OPRD1: variants seen among roughly 807,000 people sequenced by gnomAD.
OPRD1 encodes the protein opioid receptor delta 1.
Under a neutral mutation model 17.5 loss-of-function variants are expected in OPRD1, and 19 were observed. That is an observed-to-expected ratio of 1.09 (90% CI 0.76 to 1.60). The LOEUF is 1.60. OPRD1 is among the 40% of genes most tolerant of loss of function. OPRD1 has a pLI of 0.00. For synonymous variants in OPRD1, 256 were observed against 240.9 expected (o/e 1.06, Z -0.58); for missense variants, 483 against 547.2 (o/e 0.88, Z 1.17).
Position 28,863,623 on chromosome 1 carries a change from G to A in OPRD1, c.*340G>A. ...TCCTTAAACAGGGCATCTCCAGGAA[G>A]GCGGGGCTTCAACCTTGAGACAGCT... On this transcript the variant is annotated 3_prime_UTR_variant, in exon 3 of 3. Coordinates refer to ENST00000234961, the MANE Select transcript of OPRD1 (RefSeq NM_000911.4). 3.4e-6 allele frequency: 1 copy of A among 293,128 alleles called. No homozygotes were observed. Among genetic ancestry groups the A allele is most frequent in the Non-Finnish European group, 6.3e-6 (1 of 158,806 alleles). 18.2% of individuals were successfully genotyped at this position (293,128 alleles called of 1,614,324 possible).
intron 1 of OPRD1, among the ~76,000 whole-genome samples, chr1:28,851,794 C>T (rs10915205): frequency 5.6e-4 from 81 of 144,638 alleles, no homozygotes; most frequent in Middle Eastern, 3.6e-3. Context: ...TTGCTTGAAC[C>T]GGGGAGGCGG....
chr1:28,832,869 G>A (rs2088820983), intron 1 of OPRD1, among the ~76,000 whole-genome samples: 2 of 152,186 alleles, frequency 1.3e-5, no homozygotes, highest in South Asian at 4.1e-4. Flanking sequence ...TCTTCAAAGG[G>A]TATTTCTTTG....
intron 2 of OPRD1, among the ~76,000 whole-genome samples, chr1:28,861,182 C>T (rs2089113299): frequency 6.6e-6 from 1 of 152,148 alleles, no homozygotes; most frequent in African/African-American, 2.4e-5. Context: ...CTGTGGATCC[C>T]CAGCCCCTTC....
chr1:28,816,379 G>A (rs1391173238), intron 1 of OPRD1, among the ~76,000 whole-genome samples: 1 of 152,118 alleles, frequency 6.6e-6, no homozygotes, highest in African/African-American at 2.4e-5. Context: ...GACGAGGAGG[G>A]GAAACTGAGT....
At position 28,816,199 on chromosome 1, in the gene OPRD1, G is replaced by A. The variant is rs186480847; in HGVS notation, c.227+3589G>A. 2.8e-3 allele frequency among the ~76,000 whole-genome samples: 426 copies of A among 152,298 alleles called. 5 individuals are homozygous for A. The highest frequency in any genetic ancestry group is 8.6e-3 in the African/African-American group (357 of 41,570). ...CGTGCTCCAGACCTTCCGGAGCTTAGGGTCTGGTGGGAGACAGACATTCGT... is the reference window on the plus strand; with the variant it reads ...CGTGCTCCAGACCTTCCGGAGCTTAAGGTCTGGTGGGAGACAGACATTCGT... On this transcript the variant is annotated intron_variant, in intron 1 of 2. Coordinates refer to ENST00000234961, the MANE Select transcript of OPRD1 (RefSeq NM_000911.4).
At chr1:28,855,733 T>C (rs1271617136) in intron 1 of OPRD1, among the ~76,000 whole-genome samples, 1 of 152,208 alleles carries the variant, frequency 6.6e-6, no homozygotes, top group East Asian at 1.9e-4. Context: ...AAGAACAGCC[T>C]CTAATTGTTC....
At position 28,867,003 on chromosome 1, in the gene OPRD1, C is replaced by CT. The variant is rs11367439; in HGVS notation, c.*3736dup. On this transcript the variant is annotated 3_prime_UTR_variant, in exon 3 of 3. Transcript: ENST00000234961. ...TTTCAGATCTCTTCTTCTTCATCAT[C>CT]TTTTTTTTTTTTTTTTCAGCCAGTG... 0.062 allele frequency: 8,257 copies of CT among 134,196 alleles called. 409 individuals are homozygous for CT. The highest frequency in any genetic ancestry group is 0.12 in the East Asian group (552 of 4,520). The allele number at this position is 134,196 out of a possible 1,614,324, so 8.3% of individuals were successfully genotyped here.
intron 1 of OPRD1, among the ~76,000 whole-genome samples, chr1:28,852,422 T>C (rs972217977): frequency 2.6e-5 from 4 of 152,184 alleles, no homozygotes; most frequent in Non-Finnish European, 5.9e-5. Context: ...AATGTAATTA[T>C]AGTATGTTCT....
At chr1:28,831,189 C>T (rs1287054995) in intron 1 of OPRD1, among the ~76,000 whole-genome samples, 1 of 152,200 alleles carries the variant, frequency 6.6e-6, no homozygotes, top group African/African-American at 2.4e-5. Flanking sequence ...GACACTCCTT[C>T]CACCTGCCTA....
At chr1:28,843,749 G>C (rs2088916514) in intron 1 of OPRD1, among the ~76,000 whole-genome samples, 1 of 152,070 alleles carries the variant, frequency 6.6e-6, no homozygotes, top group African/African-American at 2.4e-5. Context: ...CTCCCGAGTA[G>C]CTGGGACTAC....
intron 1 of OPRD1, among the ~76,000 whole-genome samples, chr1:28,837,484 C>T (rs1312669341): frequency 6.6e-6 from 1 of 151,778 alleles, no homozygotes; most frequent in African/African-American, 2.4e-5. Flanking sequence ...CCTGTCTCTA[C>T]TAAAAATACA....
Position 28,818,392 on chromosome 1 carries a change from A to G in OPRD1, c.227+5782A>G, listed in dbSNP as rs142397192. On this transcript the variant is annotated intron_variant, in intron 1 of 2. Transcript: ENST00000234961. ...ACCCCCTGGTTAGTTGCAACTCCACAGACAAGTGCAGCTCCCTGGAACTAT... is the reference window on the plus strand; with the variant it reads ...ACCCCCTGGTTAGTTGCAACTCCACGGACAAGTGCAGCTCCCTGGAACTAT... 3.3e-5 allele frequency among the ~76,000 whole-genome samples: 5 copies of G among 152,216 alleles called. No individual in the cohort carries two copies. In the East Asian group the frequency reaches 9.7e-4, roughly 29 times the overall value.
chr1:28,861,539 G>A (rs1210146990), intron 2 of OPRD1, among the ~76,000 whole-genome samples: 1 of 152,042 alleles, frequency 6.6e-6, no homozygotes, highest in African/African-American at 2.4e-5. Flanking sequence ...CAACCTCCAG[G>A]GCTTAAGCGA....
chr1:28,827,817 T>G (rs1307735894), intron 1 of OPRD1, among the ~76,000 whole-genome samples: 1 of 152,146 alleles, frequency 6.6e-6, no homozygotes, highest in African/African-American at 2.4e-5. Flanking sequence ...CTCAAACTCC[T>G]GGGCTCAAAC....
intron 1 of OPRD1, among the ~76,000 whole-genome samples, chr1:28,840,220 G>C (rs570678668): frequency 4.6e-5 from 7 of 152,238 alleles, no homozygotes; most frequent in Admixed American, 4.6e-4. Context: ...TAGGCTCTTC[G>C]TGATAGCCAA....
intron 1 of OPRD1, among the ~76,000 whole-genome samples, chr1:28,828,444 C>T (rs932559473): frequency 5.3e-5 from 8 of 152,072 alleles, no homozygotes; most frequent in African/African-American, 1.9e-4. Flanking sequence ...GTAGATTTAG[C>T]ATAATTCTTA....
At chr1:28,857,909 C>T (rs1314018551) in intron 1 of OPRD1, among the ~76,000 whole-genome samples, 1 of 152,058 alleles carries the variant, frequency 6.6e-6, no homozygotes. Context: ...TCTCTTGCCT[C>T]AGCCTCTCGA....
intron 1 of OPRD1, among the ~76,000 whole-genome samples, chr1:28,824,181 A>C (rs28474854): frequency 7.3e-6 from 1 of 136,776 alleles, no homozygotes; most frequent in African/African-American, 2.9e-5. Flanking sequence ...CCTATCTCCA[A>C]AAAAAAAAAA....
rs2089155736 is a variant in OPRD1 at position 28,864,517 on chromosome 1, G to C, written c.*1234G>C. On this transcript the variant is annotated 3_prime_UTR_variant, in exon 3 of 3. Coordinates refer to ENST00000234961, the MANE Select transcript of OPRD1 (RefSeq NM_000911.4). ...AATGGGGGCCCAGAGGCTTGGGAAG[G>C]AGAAGGCTTCCAAAACCAGTTCGAA... is the stretch of plus-strand genomic sequence containing the variant. The C allele has an allele frequency of 6.6e-6, 1 of 152,084 alleles. No individual in the cohort carries two copies. Among genetic ancestry groups the C allele is most frequent in the Non-Finnish European group, 1.5e-5 (1 of 68,046 alleles). The allele number at this position is 152,084 out of a possible 1,614,324, so 9.4% of individuals were successfully genotyped here. A position where few individuals can be genotyped will look rare whatever the true frequency, so the allele number is the denominator to read the frequency against.
Sources: allele counts gnomAD v4.1 joint callset (sites outside exome capture counted in the v4.1 genomes callset), GRCh38; gene constraint gnomAD v4.1.1; transcripts MANE v1.5; gene names NCBI Gene and HGNC (gene_info 2026-07-23, HGNC 2026-07-21).